SMC1A: variants seen among roughly 807,000 people sequenced by gnomAD.
SMC1A encodes the protein structural maintenance of chromosomes protein 1A.
SMC1A carries 4 observed loss-of-function variants against 94.5 expected under a neutral mutation model. The ratio of observed to expected loss-of-function variants is 0.04; its 90% confidence interval spans 0.02 to 0.10. SMC1A has a LOEUF of 0.10. Ranked by LOEUF, SMC1A falls within the 10% of genes least tolerant of loss-of-function variation. The pLI, the probability that SMC1A is intolerant of heterozygous loss-of-function variation, is 1.00. For missense variants in SMC1A, 304 were observed against 989.0 expected (o/e 0.31, Z 9.29); for synonymous variants, 345 against 347.7 (o/e 0.99, Z 0.09).
chrX:53,413,805 G>A (rs782789327), intron 3 of SMC1A, among the ~76,000 whole-genome samples: 10 of 111,310 alleles, frequency 9.0e-5, no homozygotes, highest in East Asian at 2.8e-4. Context: ...GGCCGGGCGC[G>A]GTGGCTCACA....
chrX:53,395,018 G>A (rs1483318733), intron 18 of SMC1A, 130 bp from the exon 19 acceptor site: 15 of 505,984 alleles, frequency 3.0e-5, no homozygotes, highest in South Asian at 1.0e-4. Context: ...AAGGAACAGA[G>A]GCTTTGCAGG....
intron 19 of SMC1A, among the ~76,000 whole-genome samples, chrX:53,388,266 G>A (rs781930184): frequency 9.0e-6 from 1 of 111,158 alleles, no homozygotes; most frequent in Non-Finnish European, 1.9e-5. Context: ...TGTCCAATCC[G>A]GTTGCCAGTA....
intron 15 of SMC1A, among the ~76,000 whole-genome samples, chrX:53,402,045 G>T (rs1556888977): frequency 9.2e-6 from 1 of 108,575 alleles, no homozygotes; most frequent in Non-Finnish European, 1.9e-5. Flanking sequence ...TCAGTATTTT[G>T]TATCTACCTT....
intron 15 of SMC1A, among the ~76,000 whole-genome samples, chrX:53,403,197 G>T (rs781811880): frequency 4.1e-4 from 36 of 87,086 alleles, no homozygotes; most frequent in Non-Finnish European, 6.7e-4. Context: ...AAAAAAAAAA[G>T]GTAAAACAGG....
chrX:53,394,735 A>ACCCCACCCCCCCCCCCCC, intron 19 of SMC1A, 43 bp downstream of exon 19: 1 of 267,627 alleles, frequency 3.7e-6, no homozygotes. Context: ...TCCCACTCCC[A>ACCCCACCCCCCCCCCCCC]CCCAACCCCC....
intron 15 of SMC1A, among the ~76,000 whole-genome samples, chrX:53,400,049 C>T (rs1556888660): frequency 8.9e-6 from 1 of 111,889 alleles, no homozygotes; most frequent in African/African-American, 3.2e-5. Flanking sequence ...ATAAAAGAGT[C>T]CATCTGATTC....
At chrX:53,407,525 A>G (rs781812714) in intron 9 of SMC1A, among the ~76,000 whole-genome samples, 1 of 112,184 alleles carries the variant, frequency 8.9e-6, no homozygotes, top group South Asian at 3.7e-4. Flanking sequence ...GAGTTCTGTG[A>G]GCTGCACTAG....
At chrX:53,403,516 G>T in intron 15 of SMC1A, 50 bp downstream of exon 15, 1 of 995,809 alleles carries the variant, frequency 1.0e-6, no homozygotes, top group Non-Finnish European at 1.4e-6. Flanking sequence ...AGGATGTCAA[G>T]CTAGAGGCTC....
At chrX:53,384,443 T>C (rs2075596990) in intron 19 of SMC1A, among the ~76,000 whole-genome samples, 1 of 109,709 alleles carries the variant, frequency 9.1e-6, no homozygotes, top group South Asian at 3.9e-4. Context: ...TTTGTATTTT[T>C]TGTAGAGACA....
rs1385645127 is a variant in SMC1A at position 53,403,007 on chromosome X, TAAC to T, written c.2420+556_2420+558del. ...ATGTGGCAAAACCCCATCTCTACAA[TAAC>T]AACAACAACAAAAAACAAAAAAAGA... is the stretch of plus-strand genomic sequence containing the variant. On this transcript the variant is annotated intron_variant, in intron 15 of 24. Transcript: ENST00000322213. Among the ~76,000 whole-genome samples the T allele has an allele frequency of 7.4e-5, 7 of 94,704 alleles. No individual in the cohort carries two copies. In the South Asian group the frequency reaches 1.6e-3, roughly 22 times the overall value. The allele number at this position is 94,704 out of a possible 115,157, so 82.2% of individuals were successfully genotyped here. A position where few individuals can be genotyped will look rare whatever the true frequency, so the allele number is the denominator to read the frequency against.
intron 11 of SMC1A, 29 bp from the exon 12 acceptor site, chrX:53,405,420 G>C (rs1556889549): frequency 8.3e-7 from 1 of 1,211,135 alleles, no homozygotes; most frequent in Non-Finnish European, 1.1e-6. Context: ...AGAGAGAAGA[G>C]GGGGAGAAGC....
chrX:53,421,907 G>A, intron 1 of SMC1A: 2 of 1,205,092 alleles, frequency 1.7e-6, no homozygotes, highest in Non-Finnish European at 2.2e-6. Flanking sequence ...CTGACATAGC[G>A]GTGGGGGGTG....
chrX:53,417,349 C>A (rs954707246), intron 1 of SMC1A, among the ~76,000 whole-genome samples: 2 of 108,091 alleles, frequency 1.9e-5, no homozygotes, highest in Non-Finnish European at 3.8e-5. Flanking sequence ...TTGGGGAGTT[C>A]CAGACCAGCC....
intron 19 of SMC1A, among the ~76,000 whole-genome samples, chrX:53,390,910 T>C: frequency 1.2e-5 from 1 of 85,682 alleles, no homozygotes. Context: ...GAGAATGACG[T>C]GAACCCGGGA....
rs1569356989 is a variant in SMC1A, at chrX:53,405,353, T to G, written c.1950A>C (p.Gly650=). The G allele has an allele frequency of 8.3e-7, 1 of 1,211,238 alleles. No homozygotes were observed. The highest frequency in any genetic ancestry group is 2.2e-5 in the Admixed American group (1 of 46,006). The change falls in exon 12 of 25, where the codon GGA becomes GGC. Residue 650 remains glycine (G), a synonymous_variant. Transcript: ENST00000322213. ...GGTCACTGGCCCCACCAGAGATCAC[T>G]CCTGACTTCTGGAATAGGGTTCCAT... ...ALDGTLFQKS[G]VISGGASDLK...
chrX:53,386,533 G>A (rs2075605170), intron 19 of SMC1A, among the ~76,000 whole-genome samples: 1 of 111,367 alleles, frequency 9.0e-6, no homozygotes, highest in East Asian at 2.8e-4. Context: ...AAGTATTTAG[G>A]GCTGAAGTAT....
intron 19 of SMC1A, among the ~76,000 whole-genome samples, chrX:53,384,405 G>A (rs781786162): frequency 1.1e-4 from 12 of 109,158 alleles, no homozygotes; most frequent in Non-Finnish European, 2.1e-4. Flanking sequence ...CTGGGACTAC[G>A]GACACGCACA....
At chrX:53,422,039 G>A (rs781836536) in intron 1 of SMC1A, 3 of 1,207,489 alleles carry the variant, frequency 2.5e-6, no homozygotes, top group East Asian at 3.0e-5. Flanking sequence ...GAGGACGCTG[G>A]GCTGAAACAG....
intron 19 of SMC1A, among the ~76,000 whole-genome samples, chrX:53,388,708 C>T (rs188438115): frequency 1.9e-3 from 210 of 109,467 alleles, no homozygotes; most frequent in African/African-American, 6.6e-3. Context: ...ACTAGAAAAT[C>T]GAAAATTGGC....
Sources: allele counts gnomAD v4.1 joint callset (sites outside exome capture counted in the v4.1 genomes callset), GRCh38; gene constraint gnomAD v4.1.1; transcripts MANE v1.5; gene names NCBI Gene and HGNC (gene_info 2026-07-23, HGNC 2026-07-21).